Variants in RAP1GAP observed in about 807,000 individuals in gnomAD.
The protein encoded by RAP1GAP is RAP1 GTPase activating protein, also known as rap1 GTPase-activating protein 1.
RAP1GAP carries 35 observed loss-of-function variants against 87.2 expected under a neutral mutation model. The observed-to-expected ratio is 0.40, with a 90% CI of 0.31 to 0.53. The LOEUF is 0.53. Among genes scored for constraint, RAP1GAP ranks in the 20% least tolerant of loss-of-function variants. RAP1GAP has a pLI of 0.48. For synonymous variants in RAP1GAP, 375 were observed against 363.9 expected, an observed-to-expected ratio of 1.03 and a Z score of -0.35; for missense variants, 734 against 898.9, an observed-to-expected ratio of 0.82 and a Z score of 2.35.
rs987262649 is a variant in RAP1GAP, at chr1:21,622,256, G to A, written c.-18-2206C>T. Reference sequence around the variant, plus strand: ...AGCCTTGTCCGCCCGCCCTGGCTGGGGCAGAGCCGGCCGGGCTCCCCAGCA... The same window carrying A: ...AGCCTTGTCCGCCCGCCCTGGCTGGAGCAGAGCCGGCCGGGCTCCCCAGCA... On this transcript the variant is annotated intron_variant, in intron 3 of 24. Coordinates refer to ENST00000374765, the MANE Select transcript of RAP1GAP (RefSeq NM_002885.4). This position sits in a 1 kb window ranked among gnomAD's most constrained non-coding sequence, Gnocchi z 5.7. 1 of 405,978 alleles carries A rather than the reference G, an allele frequency of 2.5e-6. No individual in the cohort carries two copies. Among genetic ancestry groups the A allele is most frequent in the Non-Finnish European group, 4.4e-6 (1 of 226,630 alleles). 25.1% of individuals were successfully genotyped at this position (405,978 alleles called of 1,614,324 possible). A position where few individuals can be genotyped will look rare whatever the true frequency, so the allele number is the denominator to read the frequency against.
chr1:21,623,920 G>A (rs996895788), intron 3 of RAP1GAP, among the ~76,000 whole-genome samples: 4 of 152,248 alleles, frequency 2.6e-5, no homozygotes, highest in African/African-American at 7.2e-5. Flanking sequence ...CCATGTGTGC[G>A]TGTGTGTGAG....
At chr1:21,625,360 T>TA (rs2091497348) in intron 3 of RAP1GAP, among the ~76,000 whole-genome samples, 1 of 152,232 alleles carries the variant, frequency 6.6e-6, no homozygotes, top group African/African-American at 2.4e-5. Flanking sequence ...ACCCAAGGTT[T>TA]ACTAAAAGGA....
intron 17 of RAP1GAP, among the ~76,000 whole-genome samples, chr1:21,607,016 C>T (rs1192749567): frequency 6.6e-6 from 1 of 152,230 alleles, no homozygotes; most frequent in South Asian, 2.1e-4. Context: ...ATCTGTTCAC[C>T]TCAGTTCCTG....
intron 2 of RAP1GAP, among the ~76,000 whole-genome samples, chr1:21,647,953 C>A (rs534858391): frequency 2.8e-4 from 43 of 152,252 alleles, no homozygotes; most frequent in Non-Finnish European, 4.9e-4. Context: ...GAGAAGCAAG[C>A]CCCAAACTAG....
rs61505011 is a variant in RAP1GAP, at chr1:21,661,610, G to A, written c.-149+7644C>T. 2.4e-3 allele frequency among the ~76,000 whole-genome samples: 373 copies of A among 152,320 alleles called. 1 individual carries two copies. Among genetic ancestry groups the A allele is most frequent in the African/African-American group, 8.6e-3 (356 of 41,572 alleles). On this transcript the variant is annotated intron_variant, in intron 1 of 24. Coordinates refer to ENST00000374765, the MANE Select transcript of RAP1GAP (RefSeq NM_002885.4). ...TCTCAAAGCCTCAGCTTCTTCATCT[G>A]TAAAAGAGGATGGCAATGATAATAA...
chr1:21,654,439 G>A (rs781633081), intron 1 of RAP1GAP, among the ~76,000 whole-genome samples: 3 of 152,226 alleles, frequency 2.0e-5, no homozygotes, highest in South Asian at 2.1e-4. Context: ...GAAAATAACC[G>A]TATCTACTTC....
rs1455502752 is a variant in RAP1GAP, at chr1:21,668,377, A to C, written c.-149+877T>G. On this transcript the variant is annotated intron_variant, in intron 1 of 24. Coordinates refer to ENST00000374765, the MANE Select transcript of RAP1GAP (RefSeq NM_002885.4). This position sits in a 1 kb window ranked among gnomAD's most constrained non-coding sequence, Gnocchi z 6.2. ...GCAGGGAGGGGAATGGAGCCCGGGG[A>C]CAGAGGCCAATGAGCCCTGAGAACA... 6.6e-6 allele frequency: 1 copy of C among 152,440 alleles called. No individual in the cohort carries two copies. The highest frequency in any genetic ancestry group is 1.5e-5 in the Non-Finnish European group (1 of 68,338). The allele number at this position is 152,440 out of a possible 1,614,324, so 9.4% of individuals were successfully genotyped here. A position where few individuals can be genotyped will look rare whatever the true frequency, so the allele number is the denominator to read the frequency against.
intron 1 of RAP1GAP, among the ~76,000 whole-genome samples, chr1:21,660,301 A>G (rs1431073570): frequency 7.6e-6 from 1 of 132,296 alleles, no homozygotes; most frequent in Non-Finnish European, 1.6e-5. Context: ...GGAAGGGCAC[A>G]GGCTCAAGAG....
At chr1:21,626,454 T>C in intron 2 of RAP1GAP, 57 bp from the exon 3 acceptor site, 1 of 1,375,352 alleles carries the variant, frequency 7.3e-7, no homozygotes. Context: ...ATTTGGGAAC[T>C]CTGGGAGAGT....
intron 2 of RAP1GAP, 31 bp from the exon 3 acceptor site, chr1:21,626,428 A>G: frequency 1.3e-6 from 2 of 1,567,914 alleles, no homozygotes; most frequent in Non-Finnish European, 1.8e-6. Flanking sequence ...GGTCAGGGAG[A>G]GCCCCAAGCC....
rs1008079280 is a variant in RAP1GAP at position 21,631,348 on chromosome 1, T to C, written c.-112-4951A>G. 5.3e-5 allele frequency among the ~76,000 whole-genome samples: 8 copies of C among 152,322 alleles called. No homozygotes were observed. The East Asian group carries it at 1.2e-3, about 22-fold the overall frequency. On this transcript the variant is annotated intron_variant, in intron 2 of 24. Coordinates refer to ENST00000374765, the MANE Select transcript of RAP1GAP (RefSeq NM_002885.4). ...TCACATCTGTGCAGCACCCTGGAGCTTACACTGGCATTGTCTCATTCCAGA... is the reference window on the plus strand; with the variant it reads ...TCACATCTGTGCAGCACCCTGGAGCCTACACTGGCATTGTCTCATTCCAGA...
chr1:21,659,496 C>G (rs1013841547), intron 1 of RAP1GAP, among the ~76,000 whole-genome samples: 4 of 152,124 alleles, frequency 2.6e-5, no homozygotes, highest in African/African-American at 9.7e-5. Flanking sequence ...CGCCGCCGCA[C>G]GTCTCCCAGC....
Position 21,614,093 on chromosome 1 carries a change from C to T in RAP1GAP, c.292-4G>A, listed in dbSNP as rs200566078. 451 of 1,583,332 alleles carry T rather than the reference C, an allele frequency of 2.8e-4. No individual in the cohort carries two copies. Among genetic ancestry groups the T allele is most frequent in the Non-Finnish European group, 3.7e-4 (432 of 1,156,390 alleles). ...GTGAGTAGTAATTGAAATGCTCCTG[C>T]AGTGGGAGGTGGGGGCCAGGGGAGT... On this transcript the variant is annotated splice_polypyrimidine_tract_variant and splice_region_variant and intron_variant, in intron 7 of 24. Transcript: ENST00000374765.
chr1:21,652,586 C>T (rs1326564815), intron 1 of RAP1GAP, among the ~76,000 whole-genome samples: 1 of 152,068 alleles, frequency 6.6e-6, no homozygotes, highest in Non-Finnish European at 1.5e-5. Flanking sequence ...GTGGAGACGC[C>T]CCCCTCCACT....
chr1:21,650,041 C>G (rs1416933854), intron 1 of RAP1GAP, among the ~76,000 whole-genome samples: 2 of 132,718 alleles, frequency 1.5e-5, no homozygotes, highest in African/African-American at 2.9e-5. Context: ...GGCAGTGGGG[C>G]AGGGGGCAGG....
chr1:21,610,347 G>A (rs548140267), intron 13 of RAP1GAP, 72 bp from the exon 14 acceptor site: 67 of 1,539,666 alleles, frequency 4.4e-5, no homozygotes, highest in African/African-American at 3.7e-4. Flanking sequence ...GCCCACGGGG[G>A]TTTAGGAGGG....
intron 21 of RAP1GAP, among the ~76,000 whole-genome samples, 188 bp from the exon 22 acceptor site, chr1:21,598,690 C>A (rs560757379): frequency 8.3e-4 from 127 of 152,328 alleles, no homozygotes; most frequent in African/African-American, 3.0e-3. Flanking sequence ...AGGCACAGAC[C>A]CAGGCACACG....
At chr1:21,620,594 T>A (rs1182686227) in intron 3 of RAP1GAP, among the ~76,000 whole-genome samples, 1 of 152,048 alleles carries the variant, frequency 6.6e-6, no homozygotes, top group Non-Finnish European at 1.5e-5. Context: ...AGCTACCCTC[T>A]CCCGGGTGAG....
rs2097462521 is a variant in RAP1GAP at position 21,668,662 on chromosome 1, G to A, written c.-149+592C>T. 1 of 152,022 alleles carries A rather than the reference G, an allele frequency of 6.6e-6. No homozygotes were observed. Among genetic ancestry groups the A allele is most frequent in the Non-Finnish European group, 1.5e-5 (1 of 68,002 alleles). 9.4% of individuals were successfully genotyped at this position (152,022 alleles called of 1,614,324 possible). Reference sequence around the variant, plus strand: ...CAGATCCTGCCGAGCCAGGGGAGGCGACGAGGGGGCGCCCAACTTCGTGAC... The same window carrying A: ...CAGATCCTGCCGAGCCAGGGGAGGCAACGAGGGGGCGCCCAACTTCGTGAC... On this transcript the variant is annotated intron_variant, in intron 1 of 24. Coordinates refer to ENST00000374765, the MANE Select transcript of RAP1GAP (RefSeq NM_002885.4). This position sits in a 1 kb window ranked among gnomAD's most constrained non-coding sequence, Gnocchi z 6.2.
Sources: gnomAD v4.1 joint callset for allele counts (sites outside exome capture counted in the v4.1 genomes callset) on GRCh38, gnomAD v4.1.1 for gene constraint, Gnocchi (gnomAD v3.1) non-coding constraint, MANE v1.5 for transcripts, NCBI Gene and HGNC (gene_info 2026-07-23, HGNC 2026-07-21) for gene names.